The following CACHD1 variants were observed in gnomAD, a reference collection of about 807,000 sequenced individuals.
The protein encoded by CACHD1 is cache domain containing 1, also known as VWFA and cache domain-containing protein 1.
Under a neutral mutation model 138.7 loss-of-function variants are expected in CACHD1, and 71 were observed. The observed-to-expected ratio is 0.51, with a 90% confidence interval of 0.42 to 0.62. CACHD1 has a LOEUF of 0.62. Ranked by LOEUF, CACHD1 falls within the 20% of genes least tolerant of loss-of-function variation. CACHD1 has a pLI of 0.00. For synonymous variants in CACHD1, 578 were observed against 591.5 expected (o/e 0.98, Z 0.33); for missense variants, 1,389 against 1,625.3 (o/e 0.85, Z 2.50).
At chr1:64,554,443 C>T (rs1355940481) in intron 2 of CACHD1, among the ~76,000 whole-genome samples, 1 of 152,158 alleles carries the variant, frequency 6.6e-6, no homozygotes, top group Non-Finnish European at 1.5e-5. Context: ...CAGTGTTCAA[C>T]ATGACTGAAT....
In CACHD1 at chr1:64,691,466, A is replaced by T. The variant is rs1322060665; in HGVS notation, c.3730A>T (p.Lys1244Ter). ...PPQTAALLSH[K>*]FHHYRSHHPT... The stretch of plus-strand genomic sequence containing the variant: ...TCAGACTGCTGCCCTACTAAGTCAC[A>T]AGTTCCACCACTACCGGTCACACCA... Residue 1244 changes from lysine to a stop codon, truncating the protein, a stop_gained, in exon 27 of 27, where the codon AAG becomes TAG. Coordinates refer to ENST00000651257, the MANE Select transcript of CACHD1 (RefSeq NM_020925.4). LOFTEE classifies it high-confidence loss of function. 3.1e-6 allele frequency: 5 copies of T among 1,614,080 alleles called. No individual in the cohort carries two copies. Among genetic ancestry groups the T allele is most frequent in the Non-Finnish European group, 4.2e-6 (5 of 1,179,994 alleles).
chr1:64,483,339 T>C (rs778846958), intron 1 of CACHD1, among the ~76,000 whole-genome samples: 1 of 152,210 alleles, frequency 6.6e-6, no homozygotes, highest in Admixed American at 6.5e-5. Context: ...ATTAGTTAAT[T>C]CATTTCACAA....
chr1:64,651,683 A>T (rs981565336), intron 9 of CACHD1, among the ~76,000 whole-genome samples: 2 of 152,152 alleles, frequency 1.3e-5, no homozygotes, highest in South Asian at 4.1e-4. Context: ...AAATTAACAG[A>T]TGTGTGAACC....
At chr1:64,572,744 T>C (rs1646935971) in intron 2 of CACHD1, among the ~76,000 whole-genome samples, 1 of 152,164 alleles carries the variant, frequency 6.6e-6, no homozygotes, top group African/African-American at 2.4e-5. Context: ...TCTCGCAGGA[T>C]CAGGGTATGT....
At chr1:64,631,571 A>G (rs1042187320) in intron 5 of CACHD1, among the ~76,000 whole-genome samples, 1 of 152,142 alleles carries the variant, frequency 6.6e-6, no homozygotes, top group Admixed American at 6.5e-5. Flanking sequence ...AGGAAAATCT[A>G]GTGTTTTAAG....
Position 64,528,834 on chromosome 1 carries a change from AT to A in CACHD1, c.199-21751del, listed in dbSNP as rs1012302412. Among the ~76,000 whole-genome samples, 147 of 151,262 alleles carry A rather than the reference AT, an allele frequency of 9.7e-4. 1 individual carries two copies. The highest frequency in any genetic ancestry group is 1.4e-3 in the Non-Finnish European group (94 of 67,742). On this transcript the variant is annotated intron_variant, in intron 1 of 26. Coordinates refer to ENST00000651257, the MANE Select transcript of CACHD1 (RefSeq NM_020925.4). ...GGTTGATGTTGATATTTGTAATCAC[AT>A]TTTTTTTTCCATTTAAAAAATATCC...
At chr1:64,500,729 AAAAAAAGAGAGAG>A (rs761649228) in intron 1 of CACHD1, among the ~76,000 whole-genome samples, 2,234 of 48,094 alleles carry the variant, frequency 0.046, 57 homozygotes, top group Non-Finnish European at 0.063. Flanking sequence ...AAAAAAAAAA[AAAAAAAGAGAGAG>A]AGAGAGAGAG....
intron 3 of CACHD1, among the ~76,000 whole-genome samples, chr1:64,597,621 G>A (rs1647166739): frequency 7.4e-6 from 1 of 134,422 alleles, no homozygotes; most frequent in Admixed American, 8.2e-5. Flanking sequence ...TTTATCTTAT[G>A]AAAATGAGCA....
chr1:64,663,062 G>A lies in CACHD1; in HGVS notation c.1952-633G>A, dbSNP rs568635399. Reference sequence around the variant, plus strand: ...ATTATAACCTGCCCAACATCACACAGCCAGAAAATGGCTTTAATCCAGACT... The same window carrying A: ...ATTATAACCTGCCCAACATCACACAACCAGAAAATGGCTTTAATCCAGACT... On this transcript the variant is annotated intron_variant, in intron 13 of 26. Transcript: ENST00000651257. Among the ~76,000 whole-genome samples the A allele has an allele frequency of 4.6e-5, 7 of 152,310 alleles. No individual in the cohort carries two copies. The South Asian group carries it at 8.3e-4, about 18-fold the overall frequency.
intron 2 of CACHD1, among the ~76,000 whole-genome samples, chr1:64,567,695 T>G (rs551183817): frequency 6.6e-6 from 1 of 152,356 alleles, no homozygotes; most frequent in South Asian, 2.1e-4. Flanking sequence ...ATATGCTGTG[T>G]TGTTTTTCAT....
chr1:64,524,602 A>C (rs554793143), intron 1 of CACHD1, among the ~76,000 whole-genome samples: 1 of 152,346 alleles, frequency 6.6e-6, no homozygotes, highest in South Asian at 2.1e-4. Flanking sequence ...ACCTCACTGA[A>C]TTTGCGAGGG....
intron 2 of CACHD1, among the ~76,000 whole-genome samples, chr1:64,575,826 A>G (rs1368070856): frequency 1.3e-5 from 2 of 152,152 alleles, no homozygotes; most frequent in Non-Finnish European, 2.9e-5. Flanking sequence ...TTTTCTAACT[A>G]TGTGCCCACC....
At chr1:64,601,910 G>C (rs1389906621) in intron 3 of CACHD1, among the ~76,000 whole-genome samples, 1 of 152,160 alleles carries the variant, frequency 6.6e-6, no homozygotes, top group Non-Finnish European at 1.5e-5. Context: ...ATCCTAAATA[G>C]TTTACTTAGA....
In CACHD1 at chr1:64,541,864, A is replaced by G. The variant is rs305554; in HGVS notation, c.199-8730A>G. On this transcript the variant is annotated intron_variant, in intron 1 of 26. Coordinates refer to ENST00000651257, the MANE Select transcript of CACHD1 (RefSeq NM_020925.4). Reference sequence around the variant, plus strand: ...GTGGGAGTTGAGTCAGTAAATATCTAAACAGGTATTTTTGTTCCCCCCATA... The same window carrying G: ...GTGGGAGTTGAGTCAGTAAATATCTGAACAGGTATTTTTGTTCCCCCCATA... Among the ~76,000 whole-genome samples the G allele has an allele frequency of 7.6e-3, 1,160 of 152,138 alleles. 16 individuals carry two copies. The highest frequency in any genetic ancestry group is 0.026 in the African/African-American group (1,062 of 41,480).
At chr1:64,690,080 T>C (rs1457200821) in intron 26 of CACHD1, among the ~76,000 whole-genome samples, 1 of 152,214 alleles carries the variant, frequency 6.6e-6, no homozygotes, top group Non-Finnish European at 1.5e-5. Flanking sequence ...AATGCTGATA[T>C]TTGTTTCATT....
intron 1 of CACHD1, among the ~76,000 whole-genome samples, chr1:64,502,508 C>T (rs1646345974): frequency 1.3e-5 from 2 of 152,056 alleles, no homozygotes; most frequent in African/African-American, 4.8e-5. Context: ...AAGCTTTAAG[C>T]TCTACTTTTC....
chr1:64,520,672 A>T (rs370445604), intron 1 of CACHD1, among the ~76,000 whole-genome samples: 2 of 152,370 alleles, frequency 1.3e-5, no homozygotes, highest in East Asian at 3.9e-4. Flanking sequence ...GTAGACTTTG[A>T]AATGATTTGT....
chr1:64,666,291 C>T (rs1387308851), intron 16 of CACHD1, 124 bp downstream of exon 16: 1 of 543,030 alleles, frequency 1.8e-6, no homozygotes, highest in African/African-American at 1.9e-5. Flanking sequence ...GTGAGGCCAG[C>T]TGGGATTTGA....
In CACHD1 at chr1:64,542,777, T is replaced by C. The variant is rs563503960; in HGVS notation, c.199-7817T>C. 7.9e-5 allele frequency among the ~76,000 whole-genome samples: 12 copies of C among 152,282 alleles called. No individual in the cohort carries two copies. The East Asian group carries it at 2.1e-3, about 27-fold the overall frequency. ...ATAAATTTAGGAGTAAGACAGGCTTTGTATTCAGACTTGACCATGTACTTA... is the reference window on the plus strand; with the variant it reads ...ATAAATTTAGGAGTAAGACAGGCTTCGTATTCAGACTTGACCATGTACTTA... On this transcript the variant is annotated intron_variant, in intron 1 of 26. Coordinates refer to ENST00000651257, the MANE Select transcript of CACHD1 (RefSeq NM_020925.4).
Sources: allele counts gnomAD v4.1 joint callset (sites outside exome capture counted in the v4.1 genomes callset), GRCh38; gene constraint gnomAD v4.1.1; transcripts MANE v1.5; gene names NCBI Gene and HGNC (gene_info 2026-07-23, HGNC 2026-07-21).